The following ARHGAP24 variants were observed in gnomAD, a reference collection of about 807,000 sequenced individuals.
ARHGAP24 encodes the protein Rho GTPase activating protein 24, also known as rho GTPase-activating protein 24.
A neutral mutation model predicts 76.4 loss-of-function variants in ARHGAP24; 50 were observed. That is an observed-to-expected ratio of 0.65 (90% CI 0.52 to 0.83). The LOEUF (loss-of-function observed/expected upper bound fraction) is 0.83. Among genes scored for constraint, ARHGAP24 ranks in the 40% least tolerant of loss-of-function variants. The pLI is 0.00. For synonymous variants in ARHGAP24, 345 were observed against 323.3 expected (o/e 1.07, Z -0.72); for missense variants, 930 against 914.2 (o/e 1.02, Z -0.22).
chr4:85,995,564 G>A lies in ARHGAP24; in HGVS notation c.1910G>A (p.Ser637Asn). The stretch of plus-strand genomic sequence containing the variant: ...AACAGTGAGACATTTGTGGGCAACA[G>A]CAGCAGCAACCACAGTGCACTGCAC... ...SDNSETFVGN[S>N]SSNHSALHSL... The change falls in exon 9 of 10, where the codon AGC (serine) becomes AAC (asparagine). Residue 637 changes from serine (S) to asparagine (N), a missense_variant. By Grantham distance (46) the Ser-to-Asn change is conservative (BLOSUM62 1). Transcript: ENST00000395184. The A allele has an allele frequency of 1.2e-6, 2 of 1,613,024 alleles. No individual in the cohort carries two copies. Among genetic ancestry groups the A allele is most frequent in the Non-Finnish European group, 1.7e-6 (2 of 1,179,360 alleles).
intron 4 of ARHGAP24, among the ~76,000 whole-genome samples, chr4:85,931,619 G>A (rs1034820265): frequency 6.6e-5 from 10 of 152,048 alleles, no homozygotes; most frequent in African/African-American, 1.7e-4. Flanking sequence ...ACTGGGAGAG[G>A]GCAAAGATAG....
chr4:85,932,641 A>G (rs1736405810), intron 4 of ARHGAP24, among the ~76,000 whole-genome samples: 2 of 152,114 alleles, frequency 1.3e-5, no homozygotes, highest in African/African-American at 4.8e-5. Flanking sequence ...CCGGGGGGCT[A>G]TTTTTAAAGG....
chr4:85,624,063 T>C (rs1207898248), intron 2 of ARHGAP24, among the ~76,000 whole-genome samples: 1 of 152,208 alleles, frequency 6.6e-6, no homozygotes. Context: ...TTTTTCCTAA[T>C]TGAATACCCT....
At chr4:85,826,507 G>A (rs1055630690) in intron 3 of ARHGAP24, among the ~76,000 whole-genome samples, 4 of 152,042 alleles carry the variant, frequency 2.6e-5, no homozygotes, top group African/African-American at 4.8e-5. Flanking sequence ...ATAAAATCTC[G>A]AACTCTATTT....
At chr4:85,613,464 T>C (rs1213870426) in intron 2 of ARHGAP24, among the ~76,000 whole-genome samples, 1 of 152,224 alleles carries the variant, frequency 6.6e-6, no homozygotes, top group Non-Finnish European at 1.5e-5. Flanking sequence ...GCTTTGATTT[T>C]TGCCTCCAGG....
At chr4:85,520,537 T>G (rs1471939194) in intron 1 of ARHGAP24, among the ~76,000 whole-genome samples, 2 of 152,154 alleles carry the variant, frequency 1.3e-5, no homozygotes, top group African/African-American at 4.8e-5. Flanking sequence ...TAATAAATAT[T>G]TACAAATGTG....
chr4:85,525,291 G>C (rs1372899949), intron 1 of ARHGAP24, among the ~76,000 whole-genome samples: 3 of 93,818 alleles, frequency 3.2e-5, no homozygotes, highest in African/African-American at 8.9e-5. Flanking sequence ...GCTCACATTT[G>C]TGGCTCCTTT....
intron 2 of ARHGAP24, among the ~76,000 whole-genome samples, chr4:85,654,080 T>C (rs1485779921): frequency 6.6e-6 from 1 of 152,154 alleles, no homozygotes; most frequent in African/African-American, 2.4e-5. Context: ...TAGTCTCCTA[T>C]AACTGCCATT....
At chr4:85,844,242 C>A (rs1730749469) in intron 3 of ARHGAP24, among the ~76,000 whole-genome samples, 1 of 152,122 alleles carries the variant, frequency 6.6e-6, no homozygotes, top group African/African-American at 2.4e-5. Flanking sequence ...AACACTGATA[C>A]CAGAGATTAA....
chr4:85,578,565 C>T (rs1302454913), intron 2 of ARHGAP24, among the ~76,000 whole-genome samples: 1 of 152,192 alleles, frequency 6.6e-6, no homozygotes, highest in Non-Finnish European at 1.5e-5. Context: ...TCAGTCTAGA[C>T]TCACTACCAG....
chr4:85,725,237 T>G (rs889400290), intron 3 of ARHGAP24, among the ~76,000 whole-genome samples: 2 of 152,164 alleles, frequency 1.3e-5, no homozygotes, highest in African/African-American at 4.8e-5. Context: ...AACCACATCT[T>G]TCTTGCTTTT....
chr4:85,546,068 C>G (rs995578179), intron 1 of ARHGAP24, among the ~76,000 whole-genome samples: 2 of 152,088 alleles, frequency 1.3e-5, no homozygotes, highest in Non-Finnish European at 2.9e-5. Flanking sequence ...ACCTTAGTTT[C>G]CCTGCCTATA....
At chr4:85,565,151 C>T (rs1050086315) in intron 1 of ARHGAP24, among the ~76,000 whole-genome samples, 11 of 151,310 alleles carry the variant, frequency 7.3e-5, no homozygotes, top group Non-Finnish European at 1.3e-4. Context: ...AATATCCTGC[C>T]GCTTGACAAA....
intron 3 of ARHGAP24, among the ~76,000 whole-genome samples, chr4:85,773,148 A>C (rs1044884693): frequency 9.2e-5 from 14 of 152,198 alleles, no homozygotes; most frequent in African/African-American, 2.7e-4. Flanking sequence ...TAATTTTAAA[A>C]TATACTTTAG....
intron 2 of ARHGAP24, among the ~76,000 whole-genome samples, chr4:85,636,994 G>T (rs905141385): frequency 2.0e-5 from 3 of 151,974 alleles, no homozygotes; most frequent in African/African-American, 7.2e-5. Flanking sequence ...CCCCCAAAGT[G>T]TCGCATTCAT....
chr4:85,745,270 A>C (rs1399740769), intron 3 of ARHGAP24, among the ~76,000 whole-genome samples: 2 of 145,612 alleles, frequency 1.4e-5, no homozygotes, highest in Non-Finnish European at 3.1e-5. Flanking sequence ...GAGAGACCCC[A>C]GTAACTACTA....
intron 3 of ARHGAP24, among the ~76,000 whole-genome samples, chr4:85,845,833 T>C (rs1471724831): frequency 6.6e-6 from 1 of 152,202 alleles, no homozygotes; most frequent in Non-Finnish European, 1.5e-5. Flanking sequence ...TAGAAAACAA[T>C]TCAAAGTTAT....
At chr4:85,492,974 A>G (rs1035662976) in intron 1 of ARHGAP24, among the ~76,000 whole-genome samples, 5 of 152,196 alleles carry the variant, frequency 3.3e-5, no homozygotes, top group Non-Finnish European at 7.3e-5. Context: ...GTCTTTCCGT[A>G]TCTTACGAGA....
At chr4:85,950,684 T>C (rs200196663) in intron 5 of ARHGAP24, among the ~76,000 whole-genome samples, 3 of 23,816 alleles carry the variant, frequency 1.3e-4, no homozygotes, top group African/African-American at 4.3e-4. Flanking sequence ...TTCTTTTTTC[T>C]TTTTTTTTTA....
Sources: allele counts gnomAD v4.1 joint callset (sites outside exome capture counted in the v4.1 genomes callset), GRCh38; gene constraint gnomAD v4.1.1; transcripts MANE v1.5; gene names NCBI Gene and HGNC (gene_info 2026-07-23, HGNC 2026-07-21).